The following STPG2 variants were observed in gnomAD, a reference collection of about 807,000 sequenced individuals.
STPG2 encodes the protein sperm-tail PG-rich repeat-containing protein 2.
Under a neutral mutation model 54.2 loss-of-function variants are expected in STPG2, and 56 were observed. That is an observed-to-expected ratio of 1.03 (90% CI 0.83 to 1.29). The LOEUF is 1.29. Ranked by LOEUF, STPG2 falls within the 50% of genes most tolerant of loss-of-function variation. STPG2 has a pLI of 0.00. For synonymous variants in STPG2, 200 were observed against 181.8 expected, an observed-to-expected ratio of 1.10 and a Z score of -0.81; for missense variants, 596 against 544.9, an observed-to-expected ratio of 1.09 and a Z score of -0.93.
chr4:97,494,034 T>C (rs1447079588), intron 4 of STPG2, among the ~76,000 whole-genome samples: 2 of 151,424 alleles, frequency 1.3e-5, no homozygotes, highest in African/African-American at 2.4e-5. Context: ...TCACCTTTGA[T>C]TCAACACAAA....
intron 5 of STPG2, among the ~76,000 whole-genome samples, chr4:98,086,054 T>C (rs9991512): frequency 0.4 from 60,094 of 151,944 alleles, 12,124 homozygotes; most frequent in Middle Eastern, 0.47. Flanking sequence ...TAAATGAATG[T>C]GTATCAGTGG....
intron 9 of STPG2, among the ~76,000 whole-genome samples, chr4:97,779,322 A>T (rs902021085): frequency 9.2e-5 from 14 of 152,216 alleles, no homozygotes; most frequent in Non-Finnish European, 7.3e-5. Flanking sequence ...AACTGGAAGA[A>T]AGGGTATCAG....
chr4:97,882,644 G>A (rs1182007245), intron 8 of STPG2, among the ~76,000 whole-genome samples: 2 of 152,036 alleles, frequency 1.3e-5, no homozygotes, highest in African/African-American at 4.8e-5. Context: ...ATAAACTGAG[G>A]GTGGAAAAGA....
At chr4:97,733,406 CAG>C (rs1724869583) in intron 9 of STPG2, among the ~76,000 whole-genome samples, 1 of 151,936 alleles carries the variant, frequency 6.6e-6, no homozygotes, top group South Asian at 2.1e-4. Flanking sequence ...CAAAGTCATA[CAG>C]AGTGATATAA....
At chr4:97,839,683 GA>G (rs749217168) in intron 9 of STPG2, among the ~76,000 whole-genome samples, 2 of 151,384 alleles carry the variant, frequency 1.3e-5, no homozygotes, top group African/African-American at 2.4e-5. Context: ...AGAAGAAAAA[GA>G]AAATAAAAAG....
At chr4:98,018,681 T>A (rs569211689) in intron 5 of STPG2, among the ~76,000 whole-genome samples, 136 of 151,228 alleles carry the variant, frequency 9.0e-4, no homozygotes, top group Non-Finnish European at 1.6e-3. Flanking sequence ...CAGCACCTAT[T>A]GTTTCCTGAC....
At chr4:97,969,498 C>A (rs886138900) in intron 7 of STPG2, among the ~76,000 whole-genome samples, 5 of 152,126 alleles carry the variant, frequency 3.3e-5, no homozygotes, top group Non-Finnish European at 7.4e-5. Context: ...GCAGTGACCC[C>A]CCTGGACCCA....
At chr4:97,847,930 T>A (rs1729007694) in intron 8 of STPG2, among the ~76,000 whole-genome samples, 2 of 152,240 alleles carry the variant, frequency 1.3e-5, no homozygotes, top group South Asian at 4.1e-4. Context: ...AAAAAGATCC[T>A]GGCATGAGCT....
At chr4:97,716,825 G>A (rs1724305622) in intron 9 of STPG2, among the ~76,000 whole-genome samples, 1 of 151,628 alleles carries the variant, frequency 6.6e-6, no homozygotes, top group Admixed American at 6.6e-5. Flanking sequence ...CCATGGTGGT[G>A]CCTATGAAAC....
intron 8 of STPG2, among the ~76,000 whole-genome samples, chr4:97,844,881 A>G (rs749426015): frequency 2.6e-5 from 4 of 151,948 alleles, no homozygotes; most frequent in Non-Finnish European, 5.9e-5. Flanking sequence ...TGTGTTTCTC[A>G]TATTCAATGA....
At chr4:98,026,794 T>C (rs575921335) in intron 5 of STPG2, among the ~76,000 whole-genome samples, 1 of 152,278 alleles carries the variant, frequency 6.6e-6, no homozygotes, top group African/African-American at 2.4e-5. Context: ...CCCTTCTCTC[T>C]CTCTCTTTCT....
At chr4:97,558,871 A>C (rs1732146694), downstream of STPG2, 2 of 547,036 alleles carry the variant, frequency 3.7e-6, no homozygotes, top group Non-Finnish European at 6.5e-6. Flanking sequence ...TTTTTAAAGA[A>C]TTTTGTCTTA....
intron 8 of STPG2, among the ~76,000 whole-genome samples, chr4:97,857,815 A>G (rs149580192): frequency 7.7e-4 from 117 of 152,210 alleles, no homozygotes; most frequent in African/African-American, 2.8e-3. Context: ...GGAAATCAGA[A>G]TTCTATCAGA....
At chr4:97,869,350 G>C (rs1327203655) in intron 8 of STPG2, among the ~76,000 whole-genome samples, 2 of 151,370 alleles carry the variant, frequency 1.3e-5, no homozygotes, top group East Asian at 1.9e-4. Flanking sequence ...AACTTACCTA[G>C]GTCAGAGCCT....
At chr4:97,951,446 C>G (rs1360479119) in intron 7 of STPG2, among the ~76,000 whole-genome samples, 1 of 152,104 alleles carries the variant, frequency 6.6e-6, no homozygotes, top group Non-Finnish European at 1.5e-5. Flanking sequence ...TTTGGGTATA[C>G]TATTTCTTCT....
intron 10 of STPG2, among the ~76,000 whole-genome samples, chr4:97,699,171 C>A (rs1387045567): frequency 6.6e-6 from 1 of 152,176 alleles, no homozygotes; most frequent in Admixed American, 6.5e-5. Context: ...GCAAATTGGG[C>A]ACTCGACAGT....
intron 5 of STPG2, among the ~76,000 whole-genome samples, chr4:98,009,952 T>C (rs1026456150): frequency 6.6e-6 from 1 of 152,060 alleles, no homozygotes; most frequent in African/African-American, 2.4e-5. Context: ...TCAGTTGTTA[T>C]GTCTTTTTCA....
intron 7 of STPG2, among the ~76,000 whole-genome samples, chr4:97,950,950 C>A (rs1338597309): frequency 6.6e-6 from 1 of 152,168 alleles, no homozygotes; most frequent in Non-Finnish European, 1.5e-5. Flanking sequence ...CCCCAAATTG[C>A]TCCTGGGGAC....
intron 9 of STPG2, among the ~76,000 whole-genome samples, chr4:97,810,010 A>G (rs2149096312): frequency 6.6e-6 from 1 of 152,344 alleles, no homozygotes; most frequent in South Asian, 2.1e-4. Flanking sequence ...ATATCTTAAG[A>G]TGACTATTTG....
Sources: allele counts gnomAD v4.1 joint callset (sites outside exome capture counted in the v4.1 genomes callset), GRCh38; gene constraint gnomAD v4.1.1; transcripts MANE v1.5; gene names NCBI Gene and HGNC (gene_info 2026-07-23, HGNC 2026-07-21).